PLK4: variants seen among roughly 807,000 people sequenced by gnomAD.
PLK4 encodes the protein polo like kinase 4.
In PLK4, 51 loss-of-function variants were observed where a neutral mutation model predicts 103.0. The ratio of observed to expected loss-of-function variants is 0.50; its 90% CI spans 0.40 to 0.63. PLK4 has a LOEUF of 0.63. Ranked by LOEUF, PLK4 falls within the 20% of genes least tolerant of loss-of-function variation. PLK4 has a pLI of 0.00. For missense variants in PLK4, 1,054 were observed against 1,151.0 expected (o/e 0.92, Z 1.22); for synonymous variants, 389 against 376.8 (o/e 1.03, Z -0.38).
At chr4:127,881,634 C>G (rs1734932011) in intron 1 of PLK4, among the ~76,000 whole-genome samples, 197 bp from the exon 2 acceptor site, 1 of 152,142 alleles carries the variant, frequency 6.6e-6, no homozygotes, top group Admixed American at 6.5e-5. Context: ...AGCTTCCAGT[C>G]CAGCCTGGAA....
rs1039076183 is a variant in PLK4, at chr4:127,886,211, G to T, written c.841G>T (p.Asp281Tyr). 3 of 1,614,118 alleles carry T rather than the reference G, an allele frequency of 1.9e-6. No individual in the cohort carries two copies. Among genetic ancestry groups the T allele is most frequent in the Non-Finnish European group, 2.5e-6 (3 of 1,180,014 alleles). Residue 281 changes from aspartate to tyrosine, a missense_variant, in exon 5 of 16, where the codon GAC becomes TAC. Asp to Tyr is a radical substitution (Grantham distance 160). Transcript: ENST00000270861. ...AAGTAAAGATTTAGGAACTGTGGAA[G>T]ACTCAATTGATAGTGGGCATGCCAC... ...TKSKDLGTVE[D>Y]SIDSGHATIS...
At chr4:127,890,846 C>T (rs1447101504) in intron 7 of PLK4, among the ~76,000 whole-genome samples, 3 of 151,938 alleles carry the variant, frequency 2.0e-5, no homozygotes, top group African/African-American at 7.2e-5. Context: ...TCCACTCTAC[C>T]TTCTGTTTGC....
chr4:127,896,783 T>A lies in PLK4; in HGVS notation c.2704-18T>A. 2.8e-6 allele frequency: 4 copies of A among 1,414,032 alleles called. No individual in the cohort carries two copies. Among genetic ancestry groups the A allele is most frequent in the Non-Finnish European group, 4.0e-6 (4 of 1,005,218 alleles). The allele number at this position is 1,414,032 out of a possible 1,614,324, so 87.6% of individuals were successfully genotyped here. On this transcript the variant is annotated intron_variant, in intron 14 of 15. Transcript: ENST00000270861. ...TTTTTTCTGTGCCTGTTCTTACCCA[T>A]GCTTATTATTTTTCTAGTTAACTAG...
intron 10 of PLK4, chr4:127,892,716 T>C: frequency 4.5e-6 from 2 of 446,832 alleles, no homozygotes; most frequent in African/African-American, 2.1e-5. Context: ...ATTTATCCTA[T>C]AATATGTATA....
intron 13 of PLK4, 33 bp downstream of exon 13, chr4:127,893,914 A>G: frequency 8.9e-7 from 1 of 1,126,078 alleles, no homozygotes; most frequent in Non-Finnish European, 1.3e-6. Flanking sequence ...TGTACTTTAA[A>G]CCTTTCAATG....
At position 127,898,451 on chromosome 4, in the gene PLK4, T is replaced by C; in HGVS notation, c.2823T>C (p.Asn941=). Residue 941 remains asparagine (N), a synonymous_variant, in exon 16 of 16, where the codon AAT becomes AAC. Transcript: ENST00000270861. ...TTGCTTCACTTAGGTATGGAGAAAA[T>C]GAAAAATTACCAGACTACATCAAAC... ...PNGQTTRYGE[N]EKLPDYIKQK... 6.5e-7 allele frequency: 1 copy of C among 1,536,148 alleles called. No homozygotes were observed. Among genetic ancestry groups the C allele is most frequent in the Non-Finnish European group, 9.0e-7 (1 of 1,115,972 alleles).
Position 127,889,918 on chromosome 4 carries a change from C to A in PLK4, c.1512C>A (p.Phe504Leu). The A allele has an allele frequency of 6.2e-7, 1 of 1,613,524 alleles. No homozygotes were observed. Among genetic ancestry groups the A allele is most frequent in the Non-Finnish European group, 8.5e-7 (1 of 1,179,686 alleles). The change falls in exon 7 of 16, where the codon TTC becomes TTA. Residue 504 changes from phenylalanine (F) to leucine (L), a missense_variant. By Grantham distance (22) the Phe-to-Leu change is conservative. Coordinates refer to ENST00000270861, the MANE Select transcript of PLK4 (RefSeq NM_014264.5). ...EYDSISPNRDFQGHPDLQKDT... is the reference protein window; with the variant it reads ...EYDSISPNRDLQGHPDLQKDT... ...ACAGCATCAGCCCAAACCGGGACTT[C>A]CAGGGCCATCCAGATTTGCAGAAGG...
In PLK4 at chr4:127,891,371, G is replaced by A. The variant is rs142741871; in HGVS notation, c.1935+175G>A. ...ATTAAACATATTTAAATAAATTGGT[G>A]CAGTGTTAAAAATAATTATATCTAG... is the stretch of plus-strand genomic sequence containing the variant. On this transcript the variant is annotated intron_variant, in intron 8 of 15. Coordinates refer to ENST00000270861, the MANE Select transcript of PLK4 (RefSeq NM_014264.5). Among the ~76,000 whole-genome samples, 3 of 151,698 alleles carry A rather than the reference G, an allele frequency of 2.0e-5. No individual in the cohort carries two copies. In the East Asian group the frequency reaches 5.8e-4, roughly 29 times the overall value.
chr4:127,890,258 G>A (rs1480359106), intron 7 of PLK4, 22 bp downstream of exon 7: 1 of 1,546,698 alleles, frequency 6.5e-7, no homozygotes, highest in Admixed American at 2.1e-5. Flanking sequence ...ATCTTCTTAA[G>A]TTACTAAATA....
chr4:127,890,021 C>G lies in PLK4; in HGVS notation c.1615C>G (p.Gln539Glu), dbSNP rs370945153. 30 of 1,613,820 alleles carry G rather than the reference C, an allele frequency of 1.9e-5. No homozygotes were observed. Among genetic ancestry groups the G allele is most frequent in the Non-Finnish European group, 2.5e-5 (29 of 1,179,876 alleles). ...DASDNAHSVK[Q>E]QNTMKYMTAL... ...TTCTGATAATGCACATTCTGTAAAA[C>G]AGCAAAATACCATGAAATATATGAC... is the stretch of plus-strand genomic sequence containing the variant. The change falls in exon 7 of 16, where the codon CAG (glutamine) becomes GAG (glutamate). Residue 539 changes from glutamine to glutamate, a missense_variant. Physicochemically the swap from Gln to Glu is conservative, Grantham distance 29. This residue lies in a region of PLK4 where 680 missense variants were observed against 660.3 expected (regional missense o/e 1.03). Coordinates refer to ENST00000270861, the MANE Select transcript of PLK4 (RefSeq NM_014264.5).
At chr4:127,887,822 C>G (rs916324061) in intron 6 of PLK4, among the ~76,000 whole-genome samples, 3 of 140,560 alleles carry the variant, frequency 2.1e-5, no homozygotes, top group Non-Finnish European at 4.5e-5. Flanking sequence ...CCGCAGTGAG[C>G]TATGATCACA....
intron 14 of PLK4, among the ~76,000 whole-genome samples, chr4:127,896,208 C>T (rs1452281682): frequency 6.6e-6 from 1 of 152,142 alleles, no homozygotes; most frequent in Non-Finnish European, 1.5e-5. Context: ...GGTAGATTAA[C>T]TTGCACAATC....
intron 7 of PLK4, among the ~76,000 whole-genome samples, chr4:127,890,829 CT>C (rs1385814502): frequency 1.3e-5 from 2 of 151,888 alleles, no homozygotes; most frequent in Non-Finnish European, 1.5e-5. Flanking sequence ...TTTCAAAGTC[CT>C]TATTCTCCAC....
At chr4:127,883,101 A>T (rs1238383714) in intron 2 of PLK4, among the ~76,000 whole-genome samples, 161 bp from the exon 3 acceptor site, 1 of 152,214 alleles carries the variant, frequency 6.6e-6, no homozygotes, top group Non-Finnish European at 1.5e-5. Flanking sequence ...CTCTCTGCCG[A>T]GCACTCTGCT....
At chr4:127,890,354 A>G in intron 7 of PLK4, 118 bp downstream of exon 7, 1 of 648,400 alleles carries the variant, frequency 1.5e-6, no homozygotes, top group South Asian at 4.5e-5. Context: ...TACATGATCA[A>G]CTTTATTAAA....
At chr4:127,884,513 G>C (rs1735044070) in intron 4 of PLK4, among the ~76,000 whole-genome samples, 2 of 152,086 alleles carry the variant, frequency 1.3e-5, no homozygotes, top group South Asian at 4.1e-4. Flanking sequence ...ATTAAAAAAG[G>C]CCTTATTAGG....
At chr4:127,882,497 C>T (rs1408298823) in intron 2 of PLK4, among the ~76,000 whole-genome samples, 3 of 152,126 alleles carry the variant, frequency 2.0e-5, no homozygotes, top group African/African-American at 7.2e-5. Context: ...CGGTGGCTCA[C>T]GCCTGTAATC....
At chr4:127,890,822 C>CA (rs940801001) in intron 7 of PLK4, among the ~76,000 whole-genome samples, 2 of 152,044 alleles carry the variant, frequency 1.3e-5, no homozygotes, top group Non-Finnish European at 2.9e-5. Context: ...ATTATCTTTT[C>CA]AAAGTCCTTA....
At position 127,891,645 on chromosome 4, in the gene PLK4, G is replaced by C; in HGVS notation, c.2002G>C (p.Asp668His). 1 of 1,541,950 alleles carries C rather than the reference G, an allele frequency of 6.5e-7. No homozygotes were observed. The highest frequency in any genetic ancestry group is 8.8e-7 in the Non-Finnish European group (1 of 1,135,512). ...PLADRPPSPT[D>H]NISRYSFDNL... Reference sequence around the variant, plus strand: ...TGCTGATAGACCACCCTCACCTACTGACAACATCAGTAGGTACAGCTTTGA... The same window carrying C: ...TGCTGATAGACCACCCTCACCTACTCACAACATCAGTAGGTACAGCTTTGA... Residue 668 changes from aspartate to histidine, a missense_variant, in exon 9 of 16, where the codon GAC becomes CAC. Coordinates refer to ENST00000270861, the MANE Select transcript of PLK4 (RefSeq NM_014264.5).
Sources: gnomAD v4.1 joint callset for allele counts (sites outside exome capture counted in the v4.1 genomes callset) on GRCh38, gnomAD v4.1.1 for gene constraint, gnomAD v4.1.1 regional missense constraint, MANE v1.5 for transcripts, NCBI Gene and HGNC (gene_info 2026-07-23, HGNC 2026-07-21) for gene names.